Variants in UGCG observed in about 807,000 individuals in gnomAD.
UGCG encodes UDP-glucose ceramide glucosyltransferase, also known as ceramide glucosyltransferase.
A neutral mutation model predicts 49.5 loss-of-function variants in UGCG; 10 were observed. The observed-to-expected ratio is 0.20, with a 90% CI of 0.12 to 0.34. UGCG has a LOEUF of 0.34. Ranked by LOEUF, UGCG falls within the 10% of genes least tolerant of loss-of-function variation. UGCG has a pLI of 1.00. For missense variants in UGCG, 312 were observed against 483.7 expected, an observed-to-expected ratio of 0.65 and a Z score of 3.33; for synonymous variants, 182 against 158.2, an observed-to-expected ratio of 1.15 and a Z score of -1.13.
At position 111,897,306 on chromosome 9, in the gene UGCG, A is replaced by G. The variant is rs1837681680; in HGVS notation, c.91A>G (p.Ile31Val). The G allele has an allele frequency of 1.3e-6, 2 of 1,555,704 alleles. No individual in the cohort carries two copies. The highest frequency in any genetic ancestry group is 1.4e-5 in the African/African-American group (1 of 73,328). Residue 31 changes from isoleucine to valine, a missense_variant, in exon 1 of 9, where the codon ATC becomes GTC. Physicochemically the swap from Ile to Val is conservative, Grantham distance 29. Around this residue, in one of 4 missense-constraint regions of UGCG, gnomAD observed 65 missense variants for 74.7 expected, o/e 0.87. Coordinates refer to ENST00000374279, the MANE Select transcript of UGCG (RefSeq NM_003358.3). ...GTGGCTGATGCATTTCATGGCTATC[A>G]TCTACACGTGAGTGAGGGACCGCAG... ...VLWLMHFMAI[I>V]YTRLHLNKKA...
chr9:111,914,888 G>C, intron 2 of UGCG, 142 bp downstream of exon 2: 5 of 1,218,642 alleles, frequency 4.1e-6, no homozygotes, highest in Non-Finnish European at 5.5e-6. Flanking sequence ...ATAACCTTTA[G>C]TAGTAGTCAT....
chr9:111,905,600 C>T (rs564106108), intron 1 of UGCG, among the ~76,000 whole-genome samples: 14 of 152,084 alleles, frequency 9.2e-5, no homozygotes, highest in East Asian at 3.9e-4. Context: ...GGATTACAGG[C>T]GCACCACCGT....
At chr9:111,897,362 GA>G in intron 1 of UGCG, 49 bp downstream of exon 1, 1 of 1,466,268 alleles carries the variant, frequency 6.8e-7, no homozygotes, top group Non-Finnish European at 9.3e-7. Context: ...CCGGGCCTCG[GA>G]GACAGGCGAG....
At chr9:111,926,258 T>G in intron 4 of UGCG, 126 bp from the exon 5 acceptor site, 1 of 567,028 alleles carries the variant, frequency 1.8e-6, no homozygotes, top group South Asian at 2.9e-5. Flanking sequence ...TAGATCCATA[T>G]GTTTAAAATA....
At chr9:111,926,538 C>A (rs751815967) in intron 5 of UGCG, 42 bp downstream of exon 5, 1 of 1,436,076 alleles carries the variant, frequency 7.0e-7, no homozygotes, top group Admixed American at 2.0e-5. Flanking sequence ...GTATCAGACC[C>A]CTCATTTCCC....
intron 6 of UGCG, among the ~76,000 whole-genome samples, chr9:111,930,470 GTTT>G (rs35175614): frequency 0.019 from 2,587 of 132,964 alleles, 30 homozygotes; most frequent in Non-Finnish European, 0.03. Flanking sequence ...TTTTGTTTTG[GTTT>G]TTTTTTTTTT....
chr9:111,921,459 G>A (rs1838219960), intron 2 of UGCG, among the ~76,000 whole-genome samples: 2 of 151,956 alleles, frequency 1.3e-5, no homozygotes, highest in Admixed American at 6.6e-5. Flanking sequence ...AGACCAGCCC[G>A]GCCAATGAAA....
rs994171854 is a variant in UGCG, at chr9:111,935,149, T to G, written c.*2152T>G. 4.6e-5 allele frequency: 7 copies of G among 152,174 alleles called. No homozygotes were observed. Among genetic ancestry groups the G allele is most frequent in the African/African-American group, 1.7e-4 (7 of 41,444 alleles). The allele number at this position is 152,174 out of a possible 1,614,324, so 9.4% of individuals were successfully genotyped here. On this transcript the variant is annotated 3_prime_UTR_variant, in exon 9 of 9. Coordinates refer to ENST00000374279, the MANE Select transcript of UGCG (RefSeq NM_003358.3). Reference sequence around the variant, plus strand: ...TGGAGTATTTCCTTAATGTAAAACTTCACTTAACAGAGAGATTCTTTGTTT... The same window carrying G: ...TGGAGTATTTCCTTAATGTAAAACTGCACTTAACAGAGAGATTCTTTGTTT...
At chr9:111,917,855 G>A (rs1483346567) in intron 2 of UGCG, among the ~76,000 whole-genome samples, 3 of 152,184 alleles carry the variant, frequency 2.0e-5, no homozygotes, top group East Asian at 3.8e-4. Flanking sequence ...TGTCACCAGC[G>A]TAGAAGGGAT....
At position 111,933,109 on chromosome 9, in the gene UGCG, T is replaced by G; in HGVS notation, c.*112T>G. The G allele has an allele frequency of 9.3e-7, 1 of 1,074,020 alleles. No individual in the cohort carries two copies. Among genetic ancestry groups the G allele is most frequent in the Non-Finnish European group, 1.2e-6 (1 of 836,592 alleles). 66.5% of individuals were successfully genotyped at this position (1,074,020 alleles called of 1,614,324 possible). On this transcript the variant is annotated 3_prime_UTR_variant, in exon 9 of 9. Transcript: ENST00000374279. ...TAGTTTTATCACATGTATGTTTTGG[T>G]ATCTGTTCTTTAATTTATTTTTGCA...
intron 5 of UGCG, 128 bp downstream of exon 5, chr9:111,926,624 G>A: frequency 1.7e-6 from 1 of 584,866 alleles, no homozygotes; most frequent in Non-Finnish European, 2.7e-6. Flanking sequence ...AACCTGCTGT[G>A]TTCTAGAAGC....
At chr9:111,924,572 A>G (rs1271799719) in intron 3 of UGCG, among the ~76,000 whole-genome samples, 1 of 152,308 alleles carries the variant, frequency 6.6e-6, no homozygotes, top group East Asian at 1.9e-4. Context: ...GTGAATTTTC[A>G]AAGATAAATG....
chr9:111,932,345 C>G lies in UGCG; in HGVS notation c.1000C>G (p.Leu334Val), dbSNP rs146527560. The change falls in exon 8 of 9, where the codon CTC (leucine) becomes GTC (valine). Residue 334 changes from leucine (L) to valine (V), a missense_variant. By Grantham distance (32) the Leu-to-Val change is conservative. Around this residue, in one of 4 missense-constraint regions of UGCG, gnomAD observed 180 missense variants for 320.4 expected, o/e 0.56. Transcript: ENST00000374279. Reference sequence around the variant, plus strand: ...ATGGTTTATATTTGACTACATTCAACTCAGGGGTGTCCAGGTATGTGGATA... The same window carrying G: ...ATGGTTTATATTTGACTACATTCAAGTCAGGGGTGTCCAGGTATGTGGATA... ...LAWFIFDYIQ[L>V]RGVQGGTLCF... The G allele has an allele frequency of 2.5e-6, 4 of 1,613,928 alleles. No homozygotes were observed. Among genetic ancestry groups the G allele is most frequent in the Non-Finnish European group, 3.4e-6 (4 of 1,179,962 alleles).
chr9:111,922,782 T>TCAATACATGCTAGTAAGTG lies in UGCG; in HGVS notation c.241-65_241-47dup. ...GTTTTTTCCTGTGCTTTTTGTTCAA[T>TCAATACATGCTAGTAAGTG]CAATACATGCTAGTAAGTGCTTATT... is the stretch of plus-strand genomic sequence containing the variant. On this transcript the variant is annotated intron_variant, in intron 2 of 8. Coordinates refer to ENST00000374279, the MANE Select transcript of UGCG (RefSeq NM_003358.3). 2.6e-6 allele frequency: 3 copies of TCAATACATGCTAGTAAGTG among 1,132,564 alleles called. 1 individual carries two copies. The highest frequency in any genetic ancestry group is 4.4e-4 in the Middle Eastern group (2 of 4,560). 70.2% of individuals were successfully genotyped at this position (1,132,564 alleles called of 1,614,324 possible).
rs188867019 is a variant in UGCG at position 111,920,619 on chromosome 9, C to T, written c.241-2230C>T. On this transcript the variant is annotated intron_variant, in intron 2 of 8. Transcript: ENST00000374279. The stretch of plus-strand genomic sequence containing the variant: ...ACCTCAGGTGATCCACCTGCCCTGG[C>T]CTCCAAAGTGCTGGGATTACAGGCT... Among the ~76,000 whole-genome samples, 601 of 152,278 alleles carry T rather than the reference C, an allele frequency of 3.9e-3. 7 individuals carry two copies. Among genetic ancestry groups the T allele is most frequent in the African/African-American group, 0.014 (584 of 41,560 alleles).
Position 111,929,526 on chromosome 9 carries a change from A to T in UGCG, c.585A>T (p.Arg195Ser). The T allele has an allele frequency of 6.2e-7, 1 of 1,613,500 alleles. No individual in the cohort carries two copies. The highest frequency in any genetic ancestry group is 8.5e-7 in the Non-Finnish European group (1 of 1,179,834). ...TATATTTTGGAACTTCACATCCAAG[A>T]TACTATATCTCTGCCAATGTAACTG... Reference protein sequence around the residue: ...EQVYFGTSHPRYYISANVTGF... With the variant: ...EQVYFGTSHPSYYISANVTGF... The change falls in exon 6 of 9, where the codon AGA becomes AGT. Residue 195 changes from arginine (R) to serine (S), a missense_variant. Physicochemically the swap from Arg to Ser is moderately radical, Grantham distance 110 (BLOSUM62 -1). This residue lies in a region of UGCG where 180 missense variants were observed against 320.4 expected (regional missense o/e 0.56). Transcript: ENST00000374279.
In UGCG at chr9:111,897,226, T is replaced by A. The variant is rs754511100; in HGVS notation, c.11T>A (p.Leu4Gln). The change falls in exon 1 of 9, where the codon CTG becomes CAG. Residue 4 changes from leucine to glutamine, a missense_variant. Around this residue, in one of 4 missense-constraint regions of UGCG, gnomAD observed 65 missense variants for 74.7 expected, o/e 0.87. Coordinates refer to ENST00000374279, the MANE Select transcript of UGCG (RefSeq NM_003358.3). MAL[L>Q]DLALEGMAVF... The stretch of plus-strand genomic sequence containing the variant: ...CCGGCGGGCCGGGGGATGGCGCTGC[T>A]GGACCTGGCCTTGGAGGGAATGGCC... 3.2e-6 allele frequency: 5 copies of A among 1,548,808 alleles called. No homozygotes were observed. The Admixed American group carries it at 7.8e-5, about 24-fold the overall frequency.
At chr9:111,909,763 A>G (rs1050996001) in intron 1 of UGCG, among the ~76,000 whole-genome samples, 9 of 152,238 alleles carry the variant, frequency 5.9e-5, no homozygotes, top group African/African-American at 1.9e-4. Context: ...TGTTTTGACA[A>G]ACATTTCAAG....
chr9:111,896,960 G>A lies in UGCG; in HGVS notation c.-256G>A, dbSNP rs576857512. On this transcript the variant is annotated 5_prime_UTR_variant, in exon 1 of 9. Transcript: ENST00000374279. ...CGGAGCGCGGGACCGCGGTCGCCCC[G>A]ACCAGAGCCGGGAGACCGCAGCACC... 15 of 210,246 alleles carry A rather than the reference G, an allele frequency of 7.1e-5. No individual in the cohort carries two copies. The South Asian group carries it at 2.8e-3, about 39-fold the overall frequency. The allele number at this position is 210,246 out of a possible 1,614,324, so 13.0% of individuals were successfully genotyped here. A position where few individuals can be genotyped will look rare whatever the true frequency, so the allele number is the denominator to read the frequency against.
Sources: allele counts gnomAD v4.1 joint callset (sites outside exome capture counted in the v4.1 genomes callset), GRCh38; gene constraint gnomAD v4.1.1; regional missense constraint gnomAD v4.1.1; transcripts MANE v1.5; gene names NCBI Gene and HGNC (gene_info 2026-07-23, HGNC 2026-07-21).